The following LRFN5 variants were observed in gnomAD, a reference collection of about 807,000 sequenced individuals.
LRFN5 encodes the protein leucine-rich repeat and fibronectin type-III domain-containing protein 5.
Under a neutral mutation model 45.6 loss-of-function variants are expected in LRFN5, and 24 were observed. That is an observed-to-expected ratio of 0.53 (90% CI 0.38 to 0.74). The LOEUF is 0.74. Ranked by LOEUF, LRFN5 falls within the 30% of genes least tolerant of loss-of-function variation. LRFN5 has a pLI of 0.00. For synonymous variants in LRFN5, 340 were observed against 313.8 expected, an observed-to-expected ratio of 1.08 and a Z score of -0.88; for missense variants, 776 against 861.5, an observed-to-expected ratio of 0.90 and a Z score of 1.24.
At chr14:41,892,706 T>G in intron 4 of LRFN5, 5 of 985,354 alleles carry the variant, frequency 5.1e-6, no homozygotes, top group Non-Finnish European at 6.0e-6. Flanking sequence ...ACATCCTTGG[T>G]GCAGGTGCCT....
At chr14:41,671,455 C>T (rs1232298278) in intron 1 of LRFN5, among the ~76,000 whole-genome samples, 1 of 152,054 alleles carries the variant, frequency 6.6e-6, no homozygotes, top group Non-Finnish European at 1.5e-5. Context: ...TCTCATCAAG[C>T]AATTAATCTT....
intron 2 of LRFN5, among the ~76,000 whole-genome samples, chr14:41,778,365 A>T (rs2138910208): frequency 6.6e-6 from 1 of 151,782 alleles, no homozygotes; most frequent in Admixed American, 6.6e-5. Flanking sequence ...TAATTGGCTT[A>T]TCTTCTTCTG....
chr14:41,828,326 AT>A (rs1725930093), intron 2 of LRFN5, among the ~76,000 whole-genome samples: 1 of 152,038 alleles, frequency 6.6e-6, no homozygotes, highest in South Asian at 2.1e-4. Context: ...AAGATTTGAA[AT>A]TCAAACAAAT....
chr14:41,771,694 C>A (rs1306725206), intron 2 of LRFN5, among the ~76,000 whole-genome samples: 1 of 152,086 alleles, frequency 6.6e-6, no homozygotes, highest in Non-Finnish European at 1.5e-5. Flanking sequence ...CCATCGGAGA[C>A]CTTGTCAGTG....
At chr14:41,890,780 A>C (rs929861817) in intron 3 of LRFN5, among the ~76,000 whole-genome samples, 8 of 151,644 alleles carry the variant, frequency 5.3e-5, no homozygotes, top group Non-Finnish European at 1.0e-4. Flanking sequence ...GTGCCATTTC[A>C]TTTTTCTGAA....
chr14:41,709,307 G>C (rs1412408083), intron 1 of LRFN5, among the ~76,000 whole-genome samples: 1 of 151,872 alleles, frequency 6.6e-6, no homozygotes, highest in East Asian at 1.9e-4. Context: ...AATTTCTTTT[G>C]AGTGGAACTC....
intron 4 of LRFN5, among the ~76,000 whole-genome samples, chr14:41,896,973 T>TA (rs1473314569): frequency 6.6e-6 from 1 of 151,736 alleles, no homozygotes; most frequent in Non-Finnish European, 1.5e-5. Context: ...GCACCTGTAA[T>TA]ACCAGCTACT....
Position 41,891,900 on chromosome 14 carries a change from C to T in LRFN5, c.2036C>T (p.Ala679Val). The change falls in exon 4 of 6, where the codon GCT becomes GTT. Residue 679 changes from alanine (A) to valine (V), a missense_variant. Ala to Val is a moderately conservative substitution (Grantham distance 64). Around this residue, in one of 2 missense-constraint regions of LRFN5, gnomAD observed 465 missense variants for 456.4 expected, o/e 1.02. Transcript: ENST00000298119. Reference sequence around the variant, plus strand: ...AACAACTCAACTGCCTTGCAGTTAGCTAGCCGTCCTCCCGATTCTGTCACA... The same window carrying T: ...AACAACTCAACTGCCTTGCAGTTAGTTAGCCGTCCTCCCGATTCTGTCACA... ...NRNNSTALQL[A>V]SRPPDSVTEG... is the part of the protein sequence containing the mutation. 1 of 1,614,140 alleles carries T rather than the reference C, an allele frequency of 6.2e-7. No individual in the cohort carries two copies. The highest frequency in any genetic ancestry group is 1.1e-5 in the South Asian group (1 of 91,070).
At chr14:41,781,276 G>A (rs56046018) in intron 2 of LRFN5, among the ~76,000 whole-genome samples, 1,712 of 152,102 alleles carry the variant, frequency 0.011, 17 homozygotes, top group Non-Finnish European at 0.016. Flanking sequence ...AAGCCCAGGA[G>A]TTTGGGAGGC....
In LRFN5 at chr14:41,887,112, C is replaced by A; in HGVS notation, c.487C>A (p.Pro163Thr). Residue 163 changes from proline to threonine, a missense_variant, in exon 3 of 6, where the codon CCT becomes ACT. By Grantham distance (38) the Pro-to-Thr change is conservative. Transcript: ENST00000298119. This position sits in a 1 kb window ranked among gnomAD's most constrained non-coding sequence, Gnocchi z 4.8. Reference protein sequence around the residue: ...DLSYNNLETIPWDAVEKMVSL... With the variant: ...DLSYNNLETITWDAVEKMVSL... ...GTCCTATAATAATCTAGAAACCATT[C>A]CTTGGGATGCTGTTGAGAAGATGGT... The A allele has an allele frequency of 6.2e-7, 1 of 1,613,982 alleles. No individual in the cohort carries two copies. The highest frequency in any genetic ancestry group is 8.5e-7 in the Non-Finnish European group (1 of 1,180,034).
At chr14:41,626,796 A>G (rs1888350509) in intron 1 of LRFN5, among the ~76,000 whole-genome samples, 1 of 152,112 alleles carries the variant, frequency 6.6e-6, no homozygotes, top group Non-Finnish European at 1.5e-5. Context: ...ACTCTGATGT[A>G]TTAGACAAAG....
chr14:41,854,943 G>A (rs1889401581), intron 2 of LRFN5, among the ~76,000 whole-genome samples: 1 of 152,172 alleles, frequency 6.6e-6, no homozygotes, highest in Non-Finnish European at 1.5e-5. Context: ...CTGTTGGCAA[G>A]GAACCGTGAC....
At chr14:41,682,518 C>T (rs1455837006) in intron 1 of LRFN5, among the ~76,000 whole-genome samples, 1 of 151,636 alleles carries the variant, frequency 6.6e-6, no homozygotes, top group Non-Finnish European at 1.5e-5. Context: ...GTAACTAATA[C>T]AAAATATGAA....
At chr14:41,755,794 T>G (rs1396467553) in intron 1 of LRFN5, among the ~76,000 whole-genome samples, 1 of 152,226 alleles carries the variant, frequency 6.6e-6, no homozygotes, top group Non-Finnish European at 1.5e-5. Context: ...ATGTGTGAAT[T>G]TGATCCTGTC....
At position 41,658,233 on chromosome 14, in the gene LRFN5, C is replaced by T. The variant is rs185931583; in HGVS notation, c.-197+49671C>T. Among the ~76,000 whole-genome samples the T allele has an allele frequency of 5.9e-5, 9 of 151,966 alleles. No individual in the cohort carries two copies. In the East Asian group the frequency reaches 1.7e-3, roughly 29 times the overall value. On this transcript the variant is annotated intron_variant, in intron 1 of 5. Coordinates refer to ENST00000298119, the MANE Select transcript of LRFN5 (RefSeq NM_152447.5). ...AAACACATTTGTCAGGAAAGACTGA[C>T]CTTGCAAAAACACCAGACTAATTTT...
intron 2 of LRFN5, among the ~76,000 whole-genome samples, chr14:41,853,623 T>C (rs1309214944): frequency 6.6e-6 from 1 of 151,994 alleles, no homozygotes; most frequent in Non-Finnish European, 1.5e-5. Context: ...AACATCTAAA[T>C]ATAGATATCA....
intron 1 of LRFN5, among the ~76,000 whole-genome samples, chr14:41,675,384 C>T (rs989621173): frequency 2.0e-5 from 3 of 152,370 alleles, no homozygotes; most frequent in Admixed American, 1.3e-4. Flanking sequence ...GCGGATCACT[C>T]GCTGTTAGGA....
intron 2 of LRFN5, among the ~76,000 whole-genome samples, chr14:41,838,963 G>T (rs1341028161): frequency 6.6e-6 from 1 of 152,058 alleles, no homozygotes; most frequent in Non-Finnish European, 1.5e-5. Flanking sequence ...CCCTTATGGA[G>T]ACAGGGATTG....
chr14:41,750,602 C>G (rs1885090615), intron 1 of LRFN5, among the ~76,000 whole-genome samples: 1 of 151,998 alleles, frequency 6.6e-6, no homozygotes, highest in South Asian at 2.1e-4. Flanking sequence ...ACCACTTACG[C>G]AAAATTATTT....
Sources: gnomAD v4.1 joint callset for allele counts (sites outside exome capture counted in the v4.1 genomes callset) on GRCh38, gnomAD v4.1.1 for gene constraint, gnomAD v4.1.1 regional missense constraint, Gnocchi (gnomAD v3.1) non-coding constraint, MANE v1.5 for transcripts, NCBI Gene and HGNC (gene_info 2026-07-23, HGNC 2026-07-21) for gene names.